CNTN5: variants seen among roughly 807,000 people sequenced by gnomAD.
CNTN5 encodes the protein contactin-5.
CNTN5 carries 77 observed loss-of-function variants against 129.1 expected under a neutral mutation model. The observed-to-expected ratio is 0.60, with a 90% CI of 0.50 to 0.72. The LOEUF is 0.72. Among genes scored for constraint, CNTN5 ranks in the 30% least tolerant of loss-of-function variants. CNTN5 has a pLI of 0.00. For missense variants in CNTN5, 1,478 were observed against 1,328.8 expected, an observed-to-expected ratio of 1.11 and a Z score of -1.75; for synonymous variants, 509 against 465.6, an observed-to-expected ratio of 1.09 and a Z score of -1.20.
At chr11:99,506,571 T>TA (rs931313239) in intron 2 of CNTN5, among the ~76,000 whole-genome samples, 56 of 145,640 alleles carry the variant, frequency 3.8e-4, no homozygotes, top group Non-Finnish European at 5.5e-4. Context: ...AGTAAATACT[T>TA]AAAAAAAATT....
chr11:100,255,560 T>G (rs1950048363), intron 16 of CNTN5, among the ~76,000 whole-genome samples, 200 bp from the exon 17 acceptor site: 1 of 152,194 alleles, frequency 6.6e-6, no homozygotes, highest in Admixed American at 6.5e-5. Context: ...CAGAAAGAAA[T>G]CAAATCTACA....
In CNTN5 at chr11:100,287,869, C is replaced by G. The variant is rs183458584; in HGVS notation, c.2315-9756C>G. On this transcript the variant is annotated intron_variant, in intron 18 of 24. Transcript: ENST00000524871. ...TGCTATATTCAGGAAACCCATCTCA[C>G]GTGCAGAAACACACACAGGCTCAAA... is the stretch of plus-strand genomic sequence containing the variant. 4.6e-5 allele frequency among the ~76,000 whole-genome samples: 7 copies of G among 152,086 alleles called. 1 individual carries two copies. The highest frequency in any genetic ancestry group is 3.9e-4 in the Admixed American group (6 of 15,268).
chr11:100,029,182 T>G (rs944331528), intron 9 of CNTN5, among the ~76,000 whole-genome samples: 2 of 151,922 alleles, frequency 1.3e-5, no homozygotes, highest in Non-Finnish European at 1.5e-5. Context: ...ACAAAACAAC[T>G]TGAATCATGT....
chr11:100,273,607 C>G (rs1950447999), intron 18 of CNTN5, among the ~76,000 whole-genome samples: 1 of 152,088 alleles, frequency 6.6e-6, no homozygotes, highest in Non-Finnish European at 1.5e-5. Context: ...TGCCCCCAGC[C>G]AACACCACCT....
At chr11:99,038,417 A>G (rs1863847988) in intron 1 of CNTN5, among the ~76,000 whole-genome samples, 2 of 152,074 alleles carry the variant, frequency 1.3e-5, no homozygotes, top group South Asian at 4.1e-4. Context: ...AATATTTATC[A>G]TTTCTTTGTG....
chr11:99,288,497 A>G (rs191134177), intron 1 of CNTN5, among the ~76,000 whole-genome samples: 11 of 152,036 alleles, frequency 7.2e-5, no homozygotes, highest in South Asian at 4.1e-4. Flanking sequence ...TGAGCTGTCC[A>G]ATGATGTAAT....
At chr11:99,728,658 T>C (rs1401982956) in intron 3 of CNTN5, among the ~76,000 whole-genome samples, 1 of 152,168 alleles carries the variant, frequency 6.6e-6, no homozygotes, top group African/African-American at 2.4e-5. Flanking sequence ...CCTCAGATGG[T>C]AACCCCAGGA....
chr11:99,136,111 T>A (rs534721809), intron 1 of CNTN5, among the ~76,000 whole-genome samples: 1 of 152,290 alleles, frequency 6.6e-6, no homozygotes, highest in South Asian at 2.1e-4. Context: ...TCTTATAATG[T>A]AAGGCCAGGT....
At chr11:99,232,571 C>G (rs1861058089) in intron 1 of CNTN5, among the ~76,000 whole-genome samples, 2 of 152,086 alleles carry the variant, frequency 1.3e-5, no homozygotes, top group South Asian at 2.1e-4. Flanking sequence ...ATGGAGTTTT[C>G]TAGATATTGT....
intron 1 of CNTN5, among the ~76,000 whole-genome samples, chr11:99,311,949 T>C (rs951591292): frequency 2.6e-5 from 4 of 152,174 alleles, no homozygotes; most frequent in Non-Finnish European, 4.4e-5. Context: ...TGCAGACTTT[T>C]ATACCTCCTA....
In CNTN5 at chr11:99,873,696, G is replaced by A. The variant is rs1306004698; in HGVS notation, c.577+28434G>A. Among the ~76,000 whole-genome samples, 7 of 152,038 alleles carry A rather than the reference G, an allele frequency of 4.6e-5. No homozygotes were observed. In the East Asian group the frequency reaches 1.2e-3, roughly 25 times the overall value. The stretch of plus-strand genomic sequence containing the variant: ...AATAGAACTACCATTCAATCTAGCA[G>A]TCCCACTACTGGCTATCTACTTAAA... On this transcript the variant is annotated intron_variant, in intron 6 of 24. Coordinates refer to ENST00000524871, the MANE Select transcript of CNTN5 (RefSeq NM_014361.4).
At chr11:99,620,227 C>CATAAT (rs1950897746) in intron 3 of CNTN5, among the ~76,000 whole-genome samples, 1 of 151,984 alleles carries the variant, frequency 6.6e-6, no homozygotes, top group East Asian at 1.9e-4. Flanking sequence ...GTCCTCAAGG[C>CATAAT]TGAGTATAAT....
chr11:99,992,210 G>A (rs1352543926), intron 8 of CNTN5, among the ~76,000 whole-genome samples: 3 of 152,128 alleles, frequency 2.0e-5, no homozygotes, highest in Admixed American at 6.5e-5. Context: ...CTCCAGCAAT[G>A]ATTATTACTA....
At chr11:100,244,439 C>A (rs1165278812) in intron 16 of CNTN5, among the ~76,000 whole-genome samples, 2 of 152,120 alleles carry the variant, frequency 1.3e-5, no homozygotes, top group African/African-American at 4.8e-5. Context: ...AATGGCAAGG[C>A]CTGAATGAAA....
chr11:99,848,501 A>T (rs368386097), intron 6 of CNTN5, among the ~76,000 whole-genome samples: 1 of 152,154 alleles, frequency 6.6e-6, no homozygotes, highest in Admixed American at 6.5e-5. Context: ...ATTAAAGCAT[A>T]TTTAATCCAA....
At chr11:100,248,567 A>C (rs1236108344) in intron 16 of CNTN5, among the ~76,000 whole-genome samples, 1 of 152,112 alleles carries the variant, frequency 6.6e-6, no homozygotes, top group Non-Finnish European at 1.5e-5. Flanking sequence ...AAAGAAAAAC[A>C]AAAAAGCAGG....
intron 1 of CNTN5, among the ~76,000 whole-genome samples, chr11:99,112,129 A>G (rs529260291): frequency 1.1e-3 from 164 of 152,184 alleles, no homozygotes; most frequent in Admixed American, 3.7e-3. Flanking sequence ...CCTACAACAA[A>G]TGTTGAACAA....
intron 13 of CNTN5, among the ~76,000 whole-genome samples, chr11:100,148,674 C>T (rs555681925): frequency 9.8e-4 from 149 of 151,670 alleles, no homozygotes; most frequent in African/African-American, 3.5e-3. Context: ...CAACAAATAA[C>T]AGGACCAATG....
chr11:99,055,777 A>T (rs1940517), intron 1 of CNTN5, among the ~76,000 whole-genome samples: 2,035 of 151,958 alleles, frequency 0.013, 47 homozygotes, highest in African/African-American at 0.046. Flanking sequence ...AGTCCATTCT[A>T]ACTTATTGTC....
Sources: gnomAD v4.1 joint callset for allele counts (sites outside exome capture counted in the v4.1 genomes callset) on GRCh38, gnomAD v4.1.1 for gene constraint, MANE v1.5 for transcripts, NCBI Gene and HGNC (gene_info 2026-07-23, HGNC 2026-07-21) for gene names.